The following SARDH variants were observed in gnomAD, a reference collection of about 807,000 sequenced individuals.
The protein encoded by SARDH is sarcosine dehydrogenase.
A neutral mutation model predicts 109.1 loss-of-function variants in SARDH; 95 were observed. The ratio of observed to expected loss-of-function variants is 0.87; its 90% CI spans 0.74 to 1.03. The LOEUF (loss-of-function observed/expected upper bound fraction) is 1.03, where lower values mean the gene tolerates loss of function less well. Among genes scored for constraint, SARDH ranks in the 50% least tolerant of loss-of-function variants. The pLI is 0.00. For missense variants in SARDH, 1,267 were observed against 1,287.8 expected, an observed-to-expected ratio of 0.98 and a Z score of 0.25; for synonymous variants, 572 against 534.8, an observed-to-expected ratio of 1.07 and a Z score of -0.96.
intron 1 of SARDH, among the ~76,000 whole-genome samples, chr9:133,737,852 A>G (rs1832935805): frequency 6.6e-6 from 1 of 152,236 alleles, no homozygotes; most frequent in Non-Finnish European, 1.5e-5. Context: ...TACCTGAGTC[A>G]GCTTCCCAGG....
chr9:133,660,252 G>A (rs1219553710), downstream of SARDH, among the ~76,000 whole-genome samples: 1 of 152,102 alleles, frequency 6.6e-6, no homozygotes, highest in Admixed American at 6.5e-5. Context: ...TGGCAATCTC[G>A]TGAAGCCATG....
In SARDH at chr9:133,712,443, G is replaced by A. The variant is rs1161846707; in HGVS notation, c.1328+176C>T. ...TAAAGGGGCGTGGACCTGCCCCCCA[G>A]CCACCCCCTCAGCACTGCCCACCTT... is the stretch of plus-strand genomic sequence containing the variant. On this transcript the variant is annotated intron_variant, in intron 10 of 20. Transcript: ENST00000439388. This position sits in a 1 kb window ranked among gnomAD's most constrained non-coding sequence, Gnocchi z 4.1. Among the ~76,000 whole-genome samples, 1 of 151,912 alleles carries A rather than the reference G, an allele frequency of 6.6e-6. No individual in the cohort carries two copies. Among genetic ancestry groups the A allele is most frequent in the Non-Finnish European group, 1.5e-5 (1 of 67,964 alleles).
chr9:133,731,943 C>T (rs1447326671), intron 3 of SARDH, among the ~76,000 whole-genome samples: 1 of 152,190 alleles, frequency 6.6e-6, no homozygotes, highest in African/African-American at 2.4e-5. Flanking sequence ...GTCAGATAGA[C>T]CACGCCCCCA....
chr9:133,717,835 A>G (rs1404825359), intron 7 of SARDH, among the ~76,000 whole-genome samples: 7 of 152,102 alleles, frequency 4.6e-5, no homozygotes, highest in Non-Finnish European at 1.0e-4. Flanking sequence ...CTTTGGGAAG[A>G]GCAAGCTTGT....
chr9:133,671,953 G>A (rs532649002), intron 17 of SARDH, among the ~76,000 whole-genome samples: 5 of 152,204 alleles, frequency 3.3e-5, no homozygotes, highest in Non-Finnish European at 7.3e-5. Flanking sequence ...CAGACCTCAG[G>A]TCTTCTCCAG....
rs776643721 is a variant in SARDH at position 133,713,120 on chromosome 9, G to A, written c.1155C>T (p.Ser385=). The A allele has an allele frequency of 6.2e-7, 1 of 1,613,024 alleles. No homozygotes were observed. Among genetic ancestry groups the A allele is most frequent in the Non-Finnish European group, 8.5e-7 (1 of 1,179,790 alleles). Reference sequence around the variant, plus strand: ...TCAGGGGCTTGTGGTCGGGCGTGAAGGATTCTGAAAGAAGGAGAGAGAGGC... The same window carrying A: ...TCAGGGGCTTGTGGTCGGGCGTGAAAGATTCTGAAAGAAGGAGAGAGAGGC... ...GIKSTVCGPE[S]FTPDHKPLMG... Residue 385 remains serine (S), a synonymous_variant, in exon 9 of 21, where the codon TCC becomes TCT. Coordinates refer to ENST00000439388, the MANE Select transcript of SARDH (RefSeq NM_001134707.2).
chr9:133,734,411 A>G (rs1564304198), intron 1 of SARDH, among the ~76,000 whole-genome samples: 1 of 113,544 alleles, frequency 8.8e-6, no homozygotes, highest in Non-Finnish European at 2.0e-5. Flanking sequence ...TCATTCACTC[A>G]TTCATTCATT....
In SARDH at chr9:133,722,642, G is replaced by GCTCTCTCTCTCT. The variant is rs56179331; in HGVS notation, c.916-3612_916-3601dup. Reference sequence around the variant, plus strand: ...AGGAAACCACTAAAAAACTACTAGCGCTCTCTCTCTCTCTCTCTCTCTCTC... The same window carrying GCTCTCTCTCTCT: ...AGGAAACCACTAAAAAACTACTAGCGCTCTCTCTCTCTCTCTCTCTCTCTCTCTCTCTCTCTC... On this transcript the variant is annotated intron_variant, in intron 6 of 20. Coordinates refer to ENST00000439388, the MANE Select transcript of SARDH (RefSeq NM_001134707.2). Among the ~76,000 whole-genome samples the GCTCTCTCTCTCT allele has an allele frequency of 4.9e-3, 713 of 145,746 alleles. 4 individuals are homozygous for GCTCTCTCTCTCT. The highest frequency in any genetic ancestry group is 0.025 in the South Asian group (113 of 4,474).
At chr9:133,679,646 C>T (rs1206732301) in intron 17 of SARDH, among the ~76,000 whole-genome samples, 1 of 152,188 alleles carries the variant, frequency 6.6e-6, no homozygotes, top group Non-Finnish European at 1.5e-5. Flanking sequence ...ATTTGGGGAG[C>T]AAGGACAGCT....
rs557905361 is a variant in SARDH at position 133,717,252 on chromosome 9, G to A, written c.1150+74C>T. On this transcript the variant is annotated intron_variant, in intron 8 of 20. Transcript: ENST00000439388. ...CCTGTGTGACACAGGCTGGTCTCAC[G>A]GGGCATCACTACTAACAGTCATCAG... is the stretch of plus-strand genomic sequence containing the variant. 21 of 1,565,588 alleles carry A rather than the reference G, an allele frequency of 1.3e-5. No homozygotes were observed. In the East Asian group the frequency reaches 1.8e-4, roughly 13 times the overall value.
intron 11 of SARDH, among the ~76,000 whole-genome samples, chr9:133,707,964 C>G (rs1403583047): frequency 6.6e-6 from 1 of 152,188 alleles, no homozygotes; most frequent in Non-Finnish European, 1.5e-5. Flanking sequence ...CACCAAGACC[C>G]CGCCCCCAGG....
At chr9:133,684,035 C>T (rs1564248000) in intron 17 of SARDH, among the ~76,000 whole-genome samples, 2 of 150,692 alleles carry the variant, frequency 1.3e-5, no homozygotes, top group Non-Finnish European at 2.9e-5. Context: ...TCATGCAGGG[C>T]GACATCTCCT....
chr9:133,666,682 G>C lies in SARDH; in HGVS notation c.2631+53C>G. The C allele has an allele frequency of 1.3e-6, 2 of 1,554,670 alleles. No homozygotes were observed. Among genetic ancestry groups the C allele is most frequent in the Non-Finnish European group, 1.7e-6 (2 of 1,148,910 alleles). On this transcript the variant is annotated intron_variant, in intron 20 of 20. Transcript: ENST00000439388. The surrounding 1 kb of genome is among the most constrained non-coding windows in gnomAD (Gnocchi z 5.2). ...GGGTGCAGTGCAGGGAGCTGGTTTG[G>C]AGCTGGTGAGGGATCGGCATCTGCC...
At chr9:133,676,907 G>A (rs1321143573) in intron 17 of SARDH, among the ~76,000 whole-genome samples, 1 of 152,246 alleles carries the variant, frequency 6.6e-6, no homozygotes, top group East Asian at 1.9e-4. Flanking sequence ...GGGAGGCCGA[G>A]TTGGGCGGAT....
rs532902155 is a variant in SARDH at position 133,664,153 on chromosome 9, T to C, written c.2632-139A>G. 35 of 1,176,250 alleles carry C rather than the reference T, an allele frequency of 3.0e-5. No homozygotes were observed. In the Admixed American group the frequency reaches 9.3e-4, roughly 31 times the overall value. 72.9% of individuals were successfully genotyped at this position (1,176,250 alleles called of 1,614,324 possible). On this transcript the variant is annotated intron_variant, in intron 20 of 20. Coordinates refer to ENST00000439388, the MANE Select transcript of SARDH (RefSeq NM_001134707.2). ...CTCATCCCTGTGCCAGGGACTCCTT[T>C]CTGAACCCAGGCATTGCCCCAGAGC...
At chr9:133,689,026 G>A (rs552366141) in intron 16 of SARDH, among the ~76,000 whole-genome samples, 2 of 152,324 alleles carry the variant, frequency 1.3e-5, no homozygotes, top group African/African-American at 4.8e-5. Context: ...AGGACTCAGC[G>A]TGGGGTGCCA....
chr9:133,670,665 A>G lies in SARDH; in HGVS notation c.2414T>C (p.Val805Ala). 2 of 1,600,862 alleles carry G rather than the reference A, an allele frequency of 1.2e-6. No individual in the cohort carries two copies. The highest frequency in any genetic ancestry group is 1.7e-6 in the Non-Finnish European group (2 of 1,174,718). ...CAGGGCCTCCCTCCCCAGGAAGGGC[A>G]CCGGCGACTTGAGCTTGCAGGTGAA... is the stretch of plus-strand genomic sequence containing the variant. ...LAFTCKLKSPVPFLGREALEQ... is the reference protein window; with the variant it reads ...LAFTCKLKSPAPFLGREALEQ... The change falls in exon 19 of 21, where the codon GTG (valine) becomes GCG (alanine). Residue 805 changes from valine to alanine, a missense_variant. Coordinates refer to ENST00000439388, the MANE Select transcript of SARDH (RefSeq NM_001134707.2).
chr9:133,696,254 C>T lies in SARDH; in HGVS notation c.1776G>A (p.Trp592Ter), dbSNP rs779176557. Reference protein sequence around the residue: ...VGLDARKAADWLFSADVSRPP... With the variant: ...VGLDARKAAD ...GTCGGCTGACATCTGCGGAGAAGAG[C>T]CAGTCGGCAGCCTTCCTTGCATCCA... Residue 592 changes from tryptophan (W) to a stop codon, truncating the protein, a stop_gained, in exon 14 of 21, where the codon TGG (tryptophan) becomes TGA (stop). Coordinates refer to ENST00000439388, the MANE Select transcript of SARDH (RefSeq NM_001134707.2). LOFTEE classifies it high-confidence loss of function. The T allele has an allele frequency of 6.2e-7, 1 of 1,614,130 alleles. No homozygotes were observed. The highest frequency in any genetic ancestry group is 8.5e-7 in the Non-Finnish European group (1 of 1,180,030).
At chr9:133,668,369 CTCA>C (rs1384646096) in intron 19 of SARDH, among the ~76,000 whole-genome samples, 5 of 113,234 alleles carry the variant, frequency 4.4e-5, no homozygotes, top group Admixed American at 8.4e-5. Flanking sequence ...CTCCCTCACC[CTCA>C]TTCTCCCTCA....
Sources: gnomAD v4.1 joint callset for allele counts (sites outside exome capture counted in the v4.1 genomes callset) on GRCh38, gnomAD v4.1.1 for gene constraint, Gnocchi (gnomAD v3.1) non-coding constraint, MANE v1.5 for transcripts, NCBI Gene and HGNC (gene_info 2026-07-23, HGNC 2026-07-21) for gene names.